SYNJ2BP: variants seen among roughly 807,000 people sequenced by gnomAD.
The protein encoded by SYNJ2BP is synaptojanin-2-binding protein.
SYNJ2BP carries 10 observed loss-of-function variants against 16.9 expected under a neutral mutation model. That is an observed-to-expected ratio of 0.59 (90% CI 0.36 to 1.00). The LOEUF (loss-of-function observed/expected upper bound fraction) is 1.00. Ranked by LOEUF, SYNJ2BP falls within the 50% of genes least tolerant of loss-of-function variation. SYNJ2BP has a pLI of 0.01. For missense variants in SYNJ2BP, 162 were observed against 186.7 expected (o/e 0.87, Z 0.77); for synonymous variants, 54 against 68.4 (o/e 0.79, Z 1.04).
At position 70,416,808 on chromosome 14, in the gene SYNJ2BP, C is replaced by T. The variant is rs1566627795; in HGVS notation, c.64+92G>A. 4 of 1,596,446 alleles carry T rather than the reference C, an allele frequency of 2.5e-6. No homozygotes were observed. The South Asian group carries it at 3.4e-5, about 13-fold the overall frequency. On this transcript the variant is annotated intron_variant, in intron 1 of 3. Coordinates refer to ENST00000256366, the MANE Select transcript of SYNJ2BP (RefSeq NM_018373.3). Reference sequence around the variant, plus strand: ...ACCTCTAGGTTGTGGCCTGCCCGCCCCGAGGCCAGGTGAATCCGGCTCAGC... The same window carrying T: ...ACCTCTAGGTTGTGGCCTGCCCGCCTCGAGGCCAGGTGAATCCGGCTCAGC...
intron 1 of SYNJ2BP, among the ~76,000 whole-genome samples, chr14:70,395,269 T>C (rs1046063261): frequency 2.0e-5 from 3 of 152,210 alleles, no homozygotes; most frequent in Non-Finnish European, 4.4e-5. Flanking sequence ...AGTTATAAAG[T>C]AAATGACCAG....
chr14:70,388,431 G>A (rs371650010), intron 2 of SYNJ2BP, 39 bp downstream of exon 2: 53 of 1,492,926 alleles, frequency 3.6e-5, no homozygotes, highest in Non-Finnish European at 4.6e-5. Context: ...AGGGCTTAGG[G>A]AGCAAAGGAC....
In SYNJ2BP at chr14:70,384,434, C is replaced by G. The variant is rs187809179; in HGVS notation, c.201+4036G>C. Among the ~76,000 whole-genome samples the G allele has an allele frequency of 1.3e-3, 199 of 152,272 alleles. 1 individual carries two copies. Among genetic ancestry groups the G allele is most frequent in the Non-Finnish European group, 2.2e-3 (153 of 68,022 alleles). On this transcript the variant is annotated intron_variant, in intron 2 of 3. Transcript: ENST00000256366. The stretch of plus-strand genomic sequence containing the variant: ...CCAATAATAAATGAATACTTAAGTA[C>G]ATTTCATAGTTATGGCCTAGAAGTT...
At chr14:70,387,149 AC>A (rs1231136493) in intron 2 of SYNJ2BP, among the ~76,000 whole-genome samples, 16 of 152,126 alleles carry the variant, frequency 1.1e-4, no homozygotes, top group Admixed American at 1.0e-3. Flanking sequence ...ATAATATCTC[AC>A]CCCCTCAGCA....
At chr14:70,394,458 C>CT (rs533858770) in intron 1 of SYNJ2BP, among the ~76,000 whole-genome samples, 1,484 of 133,354 alleles carry the variant, frequency 0.011, 20 homozygotes, top group African/African-American at 0.025. Context: ...TGGGATTCAA[C>CT]TTTTTTTTTT....
At chr14:70,392,601 G>T (rs76170630) in intron 1 of SYNJ2BP, among the ~76,000 whole-genome samples, 3,395 of 152,202 alleles carry the variant, frequency 0.022, 113 homozygotes, top group African/African-American at 0.077. Context: ...TAGATAGTTT[G>T]ACAGAGAAAG....
rs1272538008 is a variant in SYNJ2BP, at chr14:70,370,356, A to C, written c.*2635T>G. The C allele has an allele frequency of 1.3e-5, 2 of 152,180 alleles. No individual in the cohort carries two copies. Among genetic ancestry groups the C allele is most frequent in the Admixed American group, 6.5e-5 (1 of 15,282 alleles). The allele number at this position is 152,180 out of a possible 1,614,324, so 9.4% of individuals were successfully genotyped here. On this transcript the variant is annotated 3_prime_UTR_variant, in exon 4 of 4. Transcript: ENST00000256366. Reference sequence around the variant, plus strand: ...CCTTCAGGAACAGAAAGGGTACCAGAGGCTGTGCCCTCCTAGTGTGGCTGG... The same window carrying C: ...CCTTCAGGAACAGAAAGGGTACCAGCGGCTGTGCCCTCCTAGTGTGGCTGG...
chr14:70,389,099 T>C (rs1225525234), intron 1 of SYNJ2BP, among the ~76,000 whole-genome samples: 4 of 152,094 alleles, frequency 2.6e-5, no homozygotes. Flanking sequence ...TGAGCCACCA[T>C]GCCCAGCCTA....
At chr14:70,373,815 G>A (rs1225917444) in intron 3 of SYNJ2BP, among the ~76,000 whole-genome samples, 1 of 152,190 alleles carries the variant, frequency 6.6e-6, no homozygotes, top group Admixed American at 6.5e-5. Flanking sequence ...GAGGCTGGAT[G>A]GTCTTCATTT....
At chr14:70,411,658 G>A (rs946878059) in intron 1 of SYNJ2BP, among the ~76,000 whole-genome samples, 1 of 152,058 alleles carries the variant, frequency 6.6e-6, no homozygotes, top group Non-Finnish European at 1.5e-5. Context: ...CCCTGACTCT[G>A]GCCCTAGCCT....
chr14:70,394,445 G>T (rs979113819), intron 1 of SYNJ2BP, among the ~76,000 whole-genome samples: 1 of 147,720 alleles, frequency 6.8e-6, no homozygotes, highest in African/African-American at 2.5e-5. Flanking sequence ...GAAGAAAAAA[G>T]ACTGGGATTC....
At position 70,368,879 on chromosome 14, in the gene SYNJ2BP, T is replaced by C. The variant is rs934794508; in HGVS notation, c.*4112A>G. 6.6e-6 allele frequency: 1 copy of C among 152,160 alleles called. No individual in the cohort carries two copies. The highest frequency in any genetic ancestry group is 6.5e-5 in the Admixed American group (1 of 15,272). The allele number at this position is 152,160 out of a possible 1,614,324, so 9.4% of individuals were successfully genotyped here. A position where few individuals can be genotyped will look rare whatever the true frequency, so the allele number is the denominator to read the frequency against. ...GAGTCCCACCCTCAGAGGTTCCTTT[T>C]AATTGATCTGTGTGCAGCCTGGGCA... On this transcript the variant is annotated 3_prime_UTR_variant, in exon 4 of 4. Transcript: ENST00000256366.
intron 2 of SYNJ2BP, among the ~76,000 whole-genome samples, chr14:70,380,759 A>G (rs1482687145): frequency 6.6e-6 from 1 of 152,156 alleles, no homozygotes; most frequent in Non-Finnish European, 1.5e-5. Flanking sequence ...AAATTAAAAA[A>G]GCAATTTAGT....
rs1888629285 is a variant in SYNJ2BP, at chr14:70,417,025, A to C, written c.-62T>G. The C allele has an allele frequency of 6.2e-7, 1 of 1,612,366 alleles. No individual in the cohort carries two copies. The highest frequency in any genetic ancestry group is 8.5e-7 in the Non-Finnish European group (1 of 1,179,196). The stretch of plus-strand genomic sequence containing the variant: ...TGGAGTGCAGCACAGGTGAAGGTGA[A>C]TCAATCTCGGCGCTGCGCCCACAGC... On this transcript the variant is annotated 5_prime_UTR_variant, in exon 1 of 4. Coordinates refer to ENST00000256366, the MANE Select transcript of SYNJ2BP (RefSeq NM_018373.3).
At position 70,385,477 on chromosome 14, in the gene SYNJ2BP, C is replaced by A. The variant is rs151279539; in HGVS notation, c.201+2993G>T. On this transcript the variant is annotated intron_variant, in intron 2 of 3. Transcript: ENST00000256366. ...GTTCAAGCGATTCTCGTGCCTCAGCCCCCTGAGTAGCTGGGGGACTACAGG... is the reference window on the plus strand; with the variant it reads ...GTTCAAGCGATTCTCGTGCCTCAGCACCCTGAGTAGCTGGGGGACTACAGG... Among the ~76,000 whole-genome samples the A allele has an allele frequency of 4.4e-3, 673 of 152,238 alleles. 6 individuals carry two copies. The highest frequency in any genetic ancestry group is 5.8e-3 in the Non-Finnish European group (396 of 68,016).
chr14:70,397,584 G>A (rs963699643), intron 1 of SYNJ2BP, among the ~76,000 whole-genome samples: 14 of 152,176 alleles, frequency 9.2e-5, no homozygotes, highest in Non-Finnish European at 1.5e-4. Flanking sequence ...CAGGCGTAGC[G>A]CGAGCAGCTT....
chr14:70,398,835 G>A (rs78872608), intron 1 of SYNJ2BP, among the ~76,000 whole-genome samples: 3,401 of 152,264 alleles, frequency 0.022, 112 homozygotes, highest in African/African-American at 0.077. Flanking sequence ...GAGCAGGAGT[G>A]ACATCACCAC....
At chr14:70,398,989 G>A (rs1346415064) in intron 1 of SYNJ2BP, among the ~76,000 whole-genome samples, 2 of 152,176 alleles carry the variant, frequency 1.3e-5, no homozygotes, top group Non-Finnish European at 2.9e-5. Context: ...GCCATCACAA[G>A]TGTCAGGCTC....
At chr14:70,411,088 A>T (rs1197756345) in intron 1 of SYNJ2BP, among the ~76,000 whole-genome samples, 1 of 152,226 alleles carries the variant, frequency 6.6e-6, no homozygotes, top group Non-Finnish European at 1.5e-5. Flanking sequence ...AGGAGGAGAC[A>T]TAAGTGAGAA....
Sources: gnomAD v4.1 joint callset for allele counts (sites outside exome capture counted in the v4.1 genomes callset) on GRCh38, gnomAD v4.1.1 for gene constraint, MANE v1.5 for transcripts, NCBI Gene and HGNC (gene_info 2026-07-23, HGNC 2026-07-21) for gene names.